The following GRIN2B variants were observed in gnomAD, a reference collection of about 807,000 sequenced individuals.
GRIN2B encodes the protein glutamate receptor ionotropic, NMDA 2B.
A neutral mutation model predicts 114.5 loss-of-function variants in GRIN2B; 5 were observed. The observed-to-expected ratio is 0.04, with a 90% CI of 0.02 to 0.09. The LOEUF (loss-of-function observed/expected upper bound fraction) is 0.09. Among genes scored for constraint, GRIN2B ranks in the 10% least tolerant of loss-of-function variants. GRIN2B has a pLI of 1.00. For synonymous variants in GRIN2B, 787 were observed against 745.1 expected (o/e 1.06, Z -0.92); for missense variants, 1,108 against 1,943.5 (o/e 0.57, Z 8.08).
intron 2 of GRIN2B, among the ~76,000 whole-genome samples, chr12:13,924,022 A>G (rs910634286): frequency 6.6e-6 from 1 of 152,160 alleles, no homozygotes; most frequent in Non-Finnish European, 1.5e-5. Flanking sequence ...GGAGAGAATG[A>G]AGATTCATTT....
chr12:13,975,832 A>G (rs149795985), intron 2 of GRIN2B, among the ~76,000 whole-genome samples: 1 of 152,356 alleles, frequency 6.6e-6, no homozygotes, highest in Non-Finnish European at 1.5e-5. Context: ...ATGCTGGTGA[A>G]GACCAGAAAG....
chr12:13,602,261 C>G (rs1305815002), intron 10 of GRIN2B, among the ~76,000 whole-genome samples: 2 of 152,220 alleles, frequency 1.3e-5, no homozygotes, highest in Non-Finnish European at 2.9e-5. Flanking sequence ...GCCAAGAGGA[C>G]TCCCATGCAT....
chr12:13,584,766 T>C lies in GRIN2B; in HGVS notation c.2011-12802A>G, dbSNP rs1948896999. On this transcript the variant is annotated intron_variant, in intron 10 of 13. Coordinates refer to ENST00000609686, the MANE Select transcript of GRIN2B (RefSeq NM_000834.5). The stretch of plus-strand genomic sequence containing the variant: ...AATGTGACAGAGTTAGAGATGATTA[T>C]GATAACATGGAGATGAAGTGAAACA... Among the ~76,000 whole-genome samples the C allele has an allele frequency of 3.9e-5, 6 of 152,364 alleles. No homozygotes were observed. The South Asian group carries it at 1.2e-3, about 32-fold the overall frequency.
At chr12:13,923,299 G>A (rs1866854029) in intron 2 of GRIN2B, among the ~76,000 whole-genome samples, 1 of 151,950 alleles carries the variant, frequency 6.6e-6, no homozygotes, top group African/African-American at 2.4e-5. Flanking sequence ...GATTCAACTT[G>A]GAAACAATTC....
intron 2 of GRIN2B, among the ~76,000 whole-genome samples, chr12:13,945,000 G>A (rs1337297258): frequency 1.3e-5 from 2 of 152,150 alleles, no homozygotes; most frequent in African/African-American, 2.4e-5. Context: ...TAAACCATGA[G>A]TTGTTTATCA....
intron 4 of GRIN2B, among the ~76,000 whole-genome samples, chr12:13,740,492 C>CTTT (rs59103603): frequency 7.1e-6 from 1 of 141,122 alleles, no homozygotes; most frequent in Non-Finnish European, 1.6e-5. Flanking sequence ...ATAGCATTTT[C>CTTT]TTTTTTTTTT....
rs148254591 is a variant in GRIN2B at position 13,753,646 on chromosome 12, G to T, written c.681C>A (p.Ile227=). 25 of 1,614,076 alleles carry T rather than the reference G, an allele frequency of 1.5e-5. No homozygotes were observed. In the African/African-American group the frequency reaches 2.9e-4, roughly 19 times the overall value. Residue 227 remains isoleucine, a synonymous_variant, in exon 4 of 14, where the codon ATC becomes ATA. Transcript: ENST00000609686. The surrounding 1 kb of genome is among the most constrained non-coding windows in gnomAD (Gnocchi z 6.2). ...CTTCCTTGGTACAGTAAAGAAGAAT[G>T]ATGGGGCTTTGAAGTTTCTTGAGCT... ...QNQLKKLQSP[I]ILLYCTKEEA... is the part of the protein sequence containing the mutation.
intron 2 of GRIN2B, among the ~76,000 whole-genome samples, chr12:13,966,591 T>C (rs570239893): frequency 3.3e-5 from 5 of 152,328 alleles, no homozygotes; most frequent in Non-Finnish European, 5.9e-5. Flanking sequence ...GATGAGATAC[T>C]CAAAGAAGTC....
Position 13,548,693 on chromosome 12 carries a change from G to A in GRIN2B, c.*14090C>T, listed in dbSNP as rs764023349. Reference sequence around the variant, plus strand: ...CTGCCCCTCTCTCTTAGCTTACTATGATAACACGATTTTATGTGAATTATT... The same window carrying A: ...CTGCCCCTCTCTCTTAGCTTACTATAATAACACGATTTTATGTGAATTATT... On this transcript the variant is annotated 3_prime_UTR_variant, in exon 14 of 14. Coordinates refer to ENST00000609686, the MANE Select transcript of GRIN2B (RefSeq NM_000834.5). The A allele has an allele frequency of 2.0e-5, 3 of 151,996 alleles. No homozygotes were observed. The highest frequency in any genetic ancestry group is 4.4e-5 in the Non-Finnish European group (3 of 68,004). The allele number at this position is 151,996 out of a possible 1,614,324, so 9.4% of individuals were successfully genotyped here. A position where few individuals can be genotyped will look rare whatever the true frequency, so the allele number is the denominator to read the frequency against.
chr12:13,834,912 A>T (rs1361111696), intron 3 of GRIN2B, among the ~76,000 whole-genome samples: 1 of 152,188 alleles, frequency 6.6e-6, no homozygotes, highest in African/African-American at 2.4e-5. Flanking sequence ...CGACCCAGGC[A>T]TCTGTATTTT....
intron 3 of GRIN2B, among the ~76,000 whole-genome samples, chr12:13,823,134 T>C (rs1410007153): frequency 6.6e-6 from 1 of 152,100 alleles, no homozygotes; most frequent in Non-Finnish European, 1.5e-5. Flanking sequence ...TAAAATTGTA[T>C]TGACTATTCT....
At chr12:13,801,107 C>CA (rs1489071330) in intron 3 of GRIN2B, among the ~76,000 whole-genome samples, 2 of 152,078 alleles carry the variant, frequency 1.3e-5, no homozygotes, top group Non-Finnish European at 2.9e-5. Context: ...ACAATACGTA[C>CA]AATTTGTAAT....
At chr12:13,887,465 T>G (rs1439428505) in intron 2 of GRIN2B, among the ~76,000 whole-genome samples, 1 of 151,934 alleles carries the variant, frequency 6.6e-6, no homozygotes, top group Non-Finnish European at 1.5e-5. Flanking sequence ...AAAAGACTAA[T>G]ACGTAGGCAT....
intron 2 of GRIN2B, among the ~76,000 whole-genome samples, chr12:13,900,084 C>T (rs1399191201): frequency 6.6e-6 from 1 of 152,158 alleles, no homozygotes; most frequent in Non-Finnish European, 1.5e-5. Context: ...AGAACACTCT[C>T]AAATATCCTT....
intron 10 of GRIN2B, among the ~76,000 whole-genome samples, chr12:13,572,740 C>T (rs1459977244): frequency 6.6e-6 from 1 of 152,188 alleles, no homozygotes; most frequent in East Asian, 1.9e-4. Flanking sequence ...TTTGTATCTT[C>T]ACAGCCTCAT....
At position 13,579,014 on chromosome 12, in the gene GRIN2B, A is replaced by G. The variant is rs150105794; in HGVS notation, c.2011-7050T>C. On this transcript the variant is annotated intron_variant, in intron 10 of 13. Transcript: ENST00000609686. ...CTATGAGCAGCTGTGCCCATGCAGC[A>G]GTGAGAGAACAGAACAAGGGGGCTG... Among the ~76,000 whole-genome samples the G allele has an allele frequency of 5.5e-3, 837 of 152,180 alleles. 4 individuals carry two copies. Among genetic ancestry groups the G allele is most frequent in the African/African-American group, 0.011 (472 of 41,534 alleles).
intron 3 of GRIN2B, among the ~76,000 whole-genome samples, chr12:13,802,147 T>G (rs1299237526): frequency 6.6e-6 from 1 of 151,992 alleles, no homozygotes; most frequent in African/African-American, 2.4e-5. Flanking sequence ...CTAAATGAAA[T>G]CATGAAGATA....
intron 13 of GRIN2B, among the ~76,000 whole-genome samples, chr12:13,566,084 C>T (rs890215261): frequency 1.3e-5 from 2 of 152,190 alleles, no homozygotes; most frequent in Non-Finnish European, 2.9e-5. Flanking sequence ...CCCCAAGTTC[C>T]AGCCTCCTGT....
chr12:13,879,944 T>G (rs1305903987), intron 2 of GRIN2B, among the ~76,000 whole-genome samples: 1 of 152,250 alleles, frequency 6.6e-6, no homozygotes, highest in Non-Finnish European at 1.5e-5. Flanking sequence ...CACACCAGCT[T>G]CTATCCCTCT....
Sources: allele counts gnomAD v4.1 joint callset (sites outside exome capture counted in the v4.1 genomes callset), GRCh38; gene constraint gnomAD v4.1.1; non-coding constraint Gnocchi (gnomAD v3.1); transcripts MANE v1.5; gene names NCBI Gene and HGNC (gene_info 2026-07-23, HGNC 2026-07-21).